The following UGP2 variants were observed in gnomAD, a reference collection of about 807,000 sequenced individuals.
UGP2 encodes the protein UTP--glucose-1-phosphate uridylyltransferase.
UGP2 carries 40 observed loss-of-function variants against 49.0 expected under a neutral mutation model. The observed-to-expected ratio is 0.82, with a 90% CI of 0.63 to 1.06. The LOEUF (loss-of-function observed/expected upper bound fraction) is 1.06. Ranked by LOEUF, UGP2 falls within the 50% of genes least tolerant of loss-of-function variation. The probability of loss-of-function intolerance (pLI) is 0.00; values close to 1 mark genes in which losing one functional copy is unlikely to be tolerated. For synonymous variants in UGP2, 225 were observed against 213.0 expected (o/e 1.06, Z -0.49); for missense variants, 460 against 603.5 (o/e 0.76, Z 2.49).
rs539033154 is a variant in UGP2, at chr2:63,882,453, A to T, written c.256-13A>T. The T allele has an allele frequency of 5.5e-5, 85 of 1,556,366 alleles. No individual in the cohort carries two copies. In the African/African-American group the frequency reaches 1.0e-3, roughly 19 times the overall value. On this transcript the variant is annotated splice_polypyrimidine_tract_variant and intron_variant, in intron 3 of 9. Transcript: ENST00000337130. The stretch of plus-strand genomic sequence containing the variant: ...CTGTTTAAATTACTCCTATAATGTT[A>T]TTTTTCTTTCAGATTCAACCCTATG...
At chr2:63,889,990 T>C in intron 8 of UGP2, 91 bp from the exon 9 acceptor site, 2 of 999,780 alleles carry the variant, frequency 2.0e-6, no homozygotes, top group Non-Finnish European at 3.0e-6. Context: ...AAAAGGTTTC[T>C]ACAGTTCAGT....
intron 3 of UGP2, among the ~76,000 whole-genome samples, chr2:63,875,381 G>T (rs1224950485): frequency 1.3e-5 from 2 of 152,168 alleles, no homozygotes; most frequent in Non-Finnish European, 2.9e-5. Flanking sequence ...GTTTGGCAGT[G>T]TCTCCAGGAA....
In UGP2 at chr2:63,891,145, A is replaced by G; in HGVS notation, c.1445A>G (p.His482Arg). 2 of 1,613,632 alleles carry G rather than the reference A, an allele frequency of 1.2e-6. No individual in the cohort carries two copies. Among genetic ancestry groups the G allele is most frequent in the Non-Finnish European group, 1.7e-6 (2 of 1,179,758 alleles). Residue 482 changes from histidine to arginine, a missense_variant, in exon 10 of 10, where the codon CAT (histidine) becomes CGT (arginine). His to Arg is a conservative substitution (Grantham distance 29). Around this residue, in one of 2 missense-constraint regions of UGP2, gnomAD observed 317 missense variants for 473.0 expected, o/e 0.67. Coordinates refer to ENST00000337130, the MANE Select transcript of UGP2 (RefSeq NM_006759.4). The part of the protein sequence containing the change: ...LKGTVIIIAN[H>R]GDRIDIPPGA... ...GGAACGGTTATCATCATTGCAAATC[A>G]TGGTGACAGAATTGATATCCCACCT...
intron 3 of UGP2, among the ~76,000 whole-genome samples, chr2:63,873,774 C>T (rs571500175): frequency 1.3e-5 from 2 of 152,200 alleles, no homozygotes; most frequent in East Asian, 3.9e-4. Flanking sequence ...CTTGCAAACC[C>T]TATCTTCCGC....
chr2:63,886,645 C>T, intron 7 of UGP2, 107 bp downstream of exon 7: 1 of 1,285,504 alleles, frequency 7.8e-7, no homozygotes, highest in South Asian at 1.4e-5. Context: ...CCATTGGTCA[C>T]TCCCTTTTGC....
intron 3 of UGP2, among the ~76,000 whole-genome samples, chr2:63,878,094 G>T (rs1391184254): frequency 6.7e-6 from 1 of 149,196 alleles, no homozygotes; most frequent in Non-Finnish European, 1.5e-5. Flanking sequence ...TTGAACTGTT[G>T]TTAGTAAGTC....
At chr2:63,876,298 T>C (rs1670899765) in intron 3 of UGP2, among the ~76,000 whole-genome samples, 1 of 152,138 alleles carries the variant, frequency 6.6e-6, no homozygotes, top group African/African-American at 2.4e-5. Context: ...TAATAAGCTT[T>C]AGACAGAAAG....
chr2:63,864,149 A>G (rs918147805), intron 3 of UGP2, among the ~76,000 whole-genome samples: 1 of 152,222 alleles, frequency 6.6e-6, no homozygotes, highest in Non-Finnish European at 1.5e-5. Flanking sequence ...GGGTACTGAC[A>G]TGTCAGGCTT....
At chr2:63,883,064 A>G (rs1185703316) in intron 4 of UGP2, among the ~76,000 whole-genome samples, 2 of 152,152 alleles carry the variant, frequency 1.3e-5, no homozygotes, top group African/African-American at 4.8e-5. Flanking sequence ...TCTTAGGACA[A>G]AGTCATTAAT....
At chr2:63,863,495 G>A (rs941502989) in intron 3 of UGP2, among the ~76,000 whole-genome samples, 5 of 152,154 alleles carry the variant, frequency 3.3e-5, no homozygotes, top group Non-Finnish European at 5.9e-5. Flanking sequence ...AAGGGCAGTA[G>A]TTACATGAGT....
At chr2:63,855,829 C>T in intron 1 of UGP2, 1 of 247,694 alleles carries the variant, frequency 4.0e-6, no homozygotes, top group Non-Finnish European at 8.1e-6. Context: ...GCATGAGCTG[C>T]CATTGCCCAG....
Position 63,887,613 on chromosome 2 carries a change from C to T in UGP2, c.1283C>T (p.Pro428Leu). Residue 428 changes from proline (P) to leucine (L), a missense_variant, in exon 8 of 10, where the codon CCC (proline) becomes CTC (leucine). Pro to Leu is a moderately conservative substitution (Grantham distance 98). Transcript: ENST00000337130. ...MSEKREFPTVPLVKLGSSFTK... is the reference protein window; with the variant it reads ...MSEKREFPTVLLVKLGSSFTK... Reference sequence around the variant, plus strand: ...GAAAAGCGGGAATTTCCTACAGTGCCCTTGGTTAAATTAGGCAGTTCTTTT... The same window carrying T: ...GAAAAGCGGGAATTTCCTACAGTGCTCTTGGTTAAATTAGGCAGTTCTTTT... 1.2e-6 allele frequency: 2 copies of T among 1,614,034 alleles called. No individual in the cohort carries two copies. Among genetic ancestry groups the T allele is most frequent in the Non-Finnish European group, 1.7e-6 (2 of 1,180,002 alleles).
upstream of UGP2, chr2:63,841,561 C>CCCGA (rs1331264523): frequency 1.6e-4 from 25 of 152,468 alleles, no homozygotes; most frequent in African/African-American, 6.0e-4. Flanking sequence ...GAGCTGAGGC[C>CCCGA]CCGACCGGTC....
At chr2:63,884,245 A>G in intron 5 of UGP2, 152 bp downstream of exon 5, 1 of 909,138 alleles carries the variant, frequency 1.1e-6, no homozygotes, top group South Asian at 1.7e-5. Context: ...ATTTGTTGAT[A>G]TGTGATTGTT....
chr2:63,858,069 C>T (rs1490886342), intron 3 of UGP2, 133 bp downstream of exon 3: 11 of 765,460 alleles, frequency 1.4e-5, no homozygotes, highest in Non-Finnish European at 2.3e-5. Flanking sequence ...AATTCTCTGA[C>T]CCCTCATCCT....
intron 8 of UGP2, chr2:63,887,870 G>T: frequency 1.7e-6 from 1 of 573,804 alleles, no homozygotes. Context: ...TTAAATTTTG[G>T]GGCATTTTAT....
intron 3 of UGP2, among the ~76,000 whole-genome samples, chr2:63,870,478 A>G (rs1267753473): frequency 2.0e-5 from 3 of 152,158 alleles, no homozygotes; most frequent in Non-Finnish European, 4.4e-5. Context: ...AAAGTTTTCT[A>G]TTTAGGTTTT....
At chr2:63,879,702 T>G (rs970837147) in intron 3 of UGP2, among the ~76,000 whole-genome samples, 24 of 152,248 alleles carry the variant, frequency 1.6e-4, no homozygotes, top group African/African-American at 5.8e-4. Context: ...GCAGTGTTCC[T>G]TTTTTAAAAA....
intron 3 of UGP2, among the ~76,000 whole-genome samples, chr2:63,860,735 C>T (rs965222123): frequency 1.3e-5 from 2 of 150,930 alleles, no homozygotes; most frequent in South Asian, 2.1e-4. Flanking sequence ...GGCAGGACTA[C>T]AGGCATTGTG....
Sources: gnomAD v4.1 joint callset for allele counts (sites outside exome capture counted in the v4.1 genomes callset) on GRCh38, gnomAD v4.1.1 for gene constraint, gnomAD v4.1.1 regional missense constraint, MANE v1.5 for transcripts, NCBI Gene and HGNC (gene_info 2026-07-23, HGNC 2026-07-21) for gene names.